Variants in TENM1 observed in about 807,000 individuals in gnomAD.
TENM1 encodes teneurin-1.
Under a neutral mutation model 174.8 loss-of-function variants are expected in TENM1, and 35 were observed. That is an observed-to-expected ratio of 0.20 (90% CI 0.15 to 0.27). The LOEUF (loss-of-function observed/expected upper bound fraction) is 0.27. TENM1 is among the 10% of genes least tolerant of loss of function. TENM1 has a pLI of 1.00. For synonymous variants in TENM1, 781 were observed against 798.7 expected (o/e 0.98, Z 0.37); for missense variants, 1,633 against 2,130.1 (o/e 0.77, Z 4.59).
rs184056742 is a variant in TENM1, at chrX:124,624,898, A to G, written c.2077+16893T>C. On this transcript the variant is annotated intron_variant, in intron 11 of 31. Coordinates refer to ENST00000422452, the Ensembl canonical transcript of TENM1. ...TCAAAAGCTTTGCCTCCTACTGGCT[A>G]TTTGATTGAAATCTGCTGAATTTCT... is the stretch of plus-strand genomic sequence containing the variant. Among the ~76,000 whole-genome samples the G allele has an allele frequency of 1.3e-4, 15 of 112,563 alleles. No homozygotes were observed. In the East Asian group the frequency reaches 2.8e-3, roughly 21 times the overall value.
intron 27 of TENM1, among the ~76,000 whole-genome samples, chrX:124,395,879 T>G (rs747702744): frequency 1.7e-4 from 19 of 112,208 alleles, no homozygotes; most frequent in African/African-American, 5.8e-4. Context: ...TAATGATAGT[T>G]AAAGAGCCAA....
chrX:125,155,644 G>A, the TENM1 span, among the ~76,000 whole-genome samples: 2 of 102,545 alleles, frequency 2.0e-5, no homozygotes, highest in East Asian at 6.4e-4. Context: ...CTAAGGCCTG[G>A]CGAGAAATCG....
upstream of TENM1, among the ~76,000 whole-genome samples, chrX:124,965,769 T>C (rs915975204): frequency 9.0e-6 from 1 of 111,345 alleles, no homozygotes; most frequent in East Asian, 2.8e-4. Context: ...CTTCATATAC[T>C]GTCTACACAC....
the TENM1 span, among the ~76,000 whole-genome samples, chrX:125,180,545 A>T: frequency 9.2e-6 from 1 of 109,200 alleles, no homozygotes; most frequent in African/African-American, 3.3e-5. Flanking sequence ...ATATATATTT[A>T]TGTAAATAAA....
chrX:125,179,471 T>G, the TENM1 span, among the ~76,000 whole-genome samples: 1 of 111,512 alleles, frequency 9.0e-6, no homozygotes, highest in African/African-American at 3.3e-5. Flanking sequence ...TAATAAAGAT[T>G]TTTAGCTGCC....
chrX:124,526,411 G>A, intron 16 of TENM1, among the ~76,000 whole-genome samples: 1 of 111,905 alleles, frequency 8.9e-6, no homozygotes, highest in Non-Finnish European at 1.9e-5. Context: ...TCCCTGGAAA[G>A]CCCTGACTGA....
intron 27 of TENM1, among the ~76,000 whole-genome samples, chrX:124,399,504 T>C (rs139600075): frequency 1.2e-4 from 13 of 112,499 alleles, no homozygotes; most frequent in Admixed American, 1.0e-3. Flanking sequence ...TTTTGCACTA[T>C]GCTAATTTGC....
At chrX:124,887,496 G>A (rs2057409510) in intron 3 of TENM1, among the ~76,000 whole-genome samples, 1 of 111,052 alleles carries the variant, frequency 9.0e-6, no homozygotes, top group African/African-American at 3.3e-5. Flanking sequence ...CTTTAAACCT[G>A]TTTTTACTAT....
rs186752846 is a variant in TENM1, at chrX:124,876,013, T to C, written c.535+18283A>G. Among the ~76,000 whole-genome samples the C allele has an allele frequency of 2.5e-3, 270 of 110,116 alleles. 1 individual carries two copies. The highest frequency in any genetic ancestry group is 3.5e-3 in the Non-Finnish European group (186 of 52,847). ...TGTATGTCTATCAAAAATTGATGCA[T>C]GACAGACAGTATAATATCATGGGTA... On this transcript the variant is annotated intron_variant, in intron 3 of 31. Transcript: ENST00000422452.
chrX:124,586,903 CAG>C (rs1310826174), intron 11 of TENM1, among the ~76,000 whole-genome samples: 4 of 109,803 alleles, frequency 3.6e-5, no homozygotes, highest in Non-Finnish European at 7.6e-5. Flanking sequence ...AACAGACAAA[CAG>C]AGAGCCAAAT....
intron 6 of TENM1, among the ~76,000 whole-genome samples, chrX:124,659,436 G>C (rs970942792): frequency 1.2e-4 from 13 of 111,929 alleles, no homozygotes; most frequent in African/African-American, 3.6e-4. Context: ...TGTGAGATTT[G>C]TATACTGAGA....
At chrX:124,725,026 T>A (rs1378328974) in intron 4 of TENM1, among the ~76,000 whole-genome samples, 1 of 111,419 alleles carries the variant, frequency 9.0e-6, no homozygotes, top group African/African-American at 3.3e-5. Context: ...GCTGACACCT[T>A]GATCTTGGAC....
chrX:124,414,294 C>T (rs770272243), intron 25 of TENM1, among the ~76,000 whole-genome samples: 3 of 111,769 alleles, frequency 2.7e-5, no homozygotes, highest in African/African-American at 9.7e-5. Flanking sequence ...AGCAGTGACA[C>T]GACTGATGCT....
At chrX:124,606,007 C>T (rs763018540) in intron 11 of TENM1, among the ~76,000 whole-genome samples, 10 of 111,590 alleles carry the variant, frequency 9.0e-5, no homozygotes, top group African/African-American at 3.2e-4. Flanking sequence ...AATGAAGCAA[C>T]ATGATGTTTT....
intron 22 of TENM1, among the ~76,000 whole-genome samples, chrX:124,466,127 C>T (rs993956541): frequency 8.1e-5 from 9 of 111,435 alleles, no homozygotes; most frequent in African/African-American, 2.6e-4. Context: ...GGATTCCTGT[C>T]GGATAACCAG....
At chrX:124,736,208 A>G (rs1167544335) in intron 4 of TENM1, among the ~76,000 whole-genome samples, 1 of 112,637 alleles carries the variant, frequency 8.9e-6, no homozygotes, top group Non-Finnish European at 1.9e-5. Flanking sequence ...CTATGTCAAT[A>G]TAAAGTTGTA....
intron 14 of TENM1, 117 bp downstream of exon 17, chrX:124,561,554 T>C (rs2048819067): frequency 2.5e-6 from 2 of 808,128 alleles, no homozygotes; most frequent in Non-Finnish European, 3.6e-6. Context: ...TTACCCTATA[T>C]AACTCAGTAT....
chrX:124,987,336 A>G, the TENM1 span, among the ~76,000 whole-genome samples: 1 of 111,461 alleles, frequency 9.0e-6, no homozygotes, highest in Non-Finnish European at 1.9e-5. Context: ...AAATACGGGG[A>G]AAAGTTACAT....
At chrX:124,754,091 G>A (rs1478330516) in intron 3 of TENM1, among the ~76,000 whole-genome samples, 1 of 111,510 alleles carries the variant, frequency 9.0e-6, no homozygotes, top group Non-Finnish European at 1.9e-5. Context: ...ACCTCTGGTA[G>A]AATTCGGCTG....
Sources: gnomAD v4.1 joint callset for allele counts (sites outside exome capture counted in the v4.1 genomes callset) on GRCh38, gnomAD v4.1.1 for gene constraint, MANE v1.5 for transcripts, NCBI Gene and HGNC (gene_info 2026-07-23, HGNC 2026-07-21) for gene names.